Variants in ASIC2 observed in about 807,000 individuals in gnomAD.
ASIC2 encodes acid sensing ion channel subunit 2, also known as acid-sensing ion channel 2.
Under a neutral mutation model 57.3 loss-of-function variants are expected in ASIC2, and 25 were observed. The observed-to-expected ratio is 0.44, with a 90% CI of 0.32 to 0.61. ASIC2 has a LOEUF of 0.61. Among genes scored for constraint, ASIC2 ranks in the 20% least tolerant of loss-of-function variants. The pLI, the probability that ASIC2 is intolerant of heterozygous loss-of-function variation, is 0.06. For synonymous variants in ASIC2, 319 were observed against 307.5 expected, an observed-to-expected ratio of 1.04 and a Z score of -0.39; for missense variants, 641 against 738.1, an observed-to-expected ratio of 0.87 and a Z score of 1.52.
chr17:33,296,839 A>G (rs1421061875), upstream of ASIC2, among the ~76,000 whole-genome samples: 2 of 152,206 alleles, frequency 1.3e-5, no homozygotes, highest in Admixed American at 1.3e-4. Flanking sequence ...GTTCCTGTTT[A>G]CCTGCTACTC....
chr17:33,253,365 A>C (rs910099660), intron 1 of ASIC2, among the ~76,000 whole-genome samples: 2 of 152,126 alleles, frequency 1.3e-5, no homozygotes, highest in Admixed American at 6.5e-5. Context: ...TCATGTGTGC[A>C]TGCACGTATA....
At chr17:33,920,583 G>C (rs1915688178) in intron 1 of ASIC2, among the ~76,000 whole-genome samples, 1 of 152,038 alleles carries the variant, frequency 6.6e-6, no homozygotes, top group Non-Finnish European at 1.5e-5. Flanking sequence ...GGGGACAAAG[G>C]GTGAAAAATG....
rs746102274 is a variant in ASIC2, at chr17:33,164,568, ACATG to A, written c.709-52505_709-52502del. On this transcript the variant is annotated intron_variant, in intron 1 of 9. Transcript: ENST00000225823. Reference sequence around the variant, plus strand: ...CTCTGGAAACAGCTGTCCCAAAAGCACATGCACGCACACACACACACACACACAC... The same window carrying A: ...CTCTGGAAACAGCTGTCCCAAAAGCACACGCACACACACACACACACACAC... Among the ~76,000 whole-genome samples, 512 of 103,232 alleles carry A rather than the reference ACATG, an allele frequency of 5.0e-3. 3 individuals are homozygous for A. Among genetic ancestry groups the A allele is most frequent in the East Asian group, 5.8e-3 (24 of 4,118 alleles). 67.7% of individuals were successfully genotyped at this position (103,232 alleles called of 152,430 possible).
At chr17:33,573,471 T>C (rs374579399) in intron 1 of ASIC2, among the ~76,000 whole-genome samples, 1 of 152,228 alleles carries the variant, frequency 6.6e-6, no homozygotes, top group African/African-American at 2.4e-5. Flanking sequence ...GCAACGAATA[T>C]TCCCAAGCTA....
intron 1 of ASIC2, among the ~76,000 whole-genome samples, chr17:33,428,771 C>A (rs1416882292): frequency 6.6e-6 from 1 of 152,148 alleles, no homozygotes; most frequent in Non-Finnish European, 1.5e-5. Flanking sequence ...ACCTTCCTCC[C>A]ACCCACCATT....
intron 3 of ASIC2, among the ~76,000 whole-genome samples, chr17:33,059,536 C>A (rs1233242450): frequency 6.6e-6 from 1 of 152,208 alleles, no homozygotes; most frequent in African/African-American, 2.4e-5. Context: ...ATATATGCCA[C>A]ATTTTCTTAA....
intron 1 of ASIC2, among the ~76,000 whole-genome samples, chr17:33,824,099 C>A (rs1004954474): frequency 2.0e-5 from 3 of 152,094 alleles, no homozygotes; most frequent in African/African-American, 7.2e-5. Flanking sequence ...CCCACAGGAA[C>A]CATTCTTATA....
At chr17:33,425,753 T>C (rs927852966) in intron 1 of ASIC2, among the ~76,000 whole-genome samples, 1 of 152,148 alleles carries the variant, frequency 6.6e-6, no homozygotes. Context: ...TGTCCTTGCG[T>C]GGCTATTAGG....
At chr17:34,148,801 T>G (rs1904390836) in intron 1 of ASIC2, among the ~76,000 whole-genome samples, 1 of 152,152 alleles carries the variant, frequency 6.6e-6, no homozygotes, top group Admixed American at 6.5e-5. Flanking sequence ...TCAATAAATT[T>G]CCATCAAAGG....
chr17:33,462,546 T>G (rs1429595470), intron 1 of ASIC2, among the ~76,000 whole-genome samples: 1 of 152,198 alleles, frequency 6.6e-6, no homozygotes, highest in Non-Finnish European at 1.5e-5. Context: ...GCCCTAGACC[T>G]TCCACCCATG....
intron 1 of ASIC2, among the ~76,000 whole-genome samples, chr17:33,348,019 T>C (rs1427929660): frequency 1.3e-5 from 2 of 152,158 alleles, no homozygotes; most frequent in Non-Finnish European, 2.9e-5. Context: ...GAAGAATCGC[T>C]TGAACCCAGG....
At chr17:33,096,859 AG>A (rs2092182015) in intron 2 of ASIC2, among the ~76,000 whole-genome samples, 1 of 152,220 alleles carries the variant, frequency 6.6e-6, no homozygotes, top group South Asian at 2.1e-4. Flanking sequence ...GCTCTGGGAC[AG>A]GTGCACACTG....
intron 1 of ASIC2, among the ~76,000 whole-genome samples, chr17:34,117,935 T>G (rs567811107): frequency 6.6e-6 from 1 of 152,194 alleles, no homozygotes; most frequent in African/African-American, 2.4e-5. Flanking sequence ...GTCCTCAGAA[T>G]GAAAATCAGC....
chr17:33,343,783 C>T (rs909202495), intron 1 of ASIC2, among the ~76,000 whole-genome samples: 4 of 152,188 alleles, frequency 2.6e-5, no homozygotes, highest in Non-Finnish European at 5.9e-5. Flanking sequence ...ACTCTGGCTC[C>T]TCTCATTATC....
chr17:34,013,956 C>A (rs530738196), intron 1 of ASIC2, among the ~76,000 whole-genome samples: 163 of 152,254 alleles, frequency 1.1e-3, no homozygotes, highest in African/African-American at 3.5e-3. Flanking sequence ...AGGTTCAAAG[C>A]AGGGAGTCTG....
chr17:33,718,781 G>A (rs919604679), intron 1 of ASIC2, among the ~76,000 whole-genome samples: 13 of 152,198 alleles, frequency 8.5e-5, no homozygotes, highest in African/African-American at 2.9e-4. Flanking sequence ...CGACACTCAG[G>A]GCTCAGTTCC....
At chr17:33,880,805 A>C (rs1274527660) in intron 1 of ASIC2, among the ~76,000 whole-genome samples, 1 of 152,106 alleles carries the variant, frequency 6.6e-6, no homozygotes, top group Non-Finnish European at 1.5e-5. Context: ...GAGATACAAC[A>C]AAAAAAGAGA....
intron 1 of ASIC2, among the ~76,000 whole-genome samples, chr17:33,644,267 C>T (rs140483800): frequency 6.6e-6 from 1 of 152,244 alleles, no homozygotes; most frequent in Non-Finnish European, 1.5e-5. Flanking sequence ...TGCGTTTTTC[C>T]TGCTTTGTGT....
intron 1 of ASIC2, among the ~76,000 whole-genome samples, chr17:33,203,756 G>A (rs1906963750): frequency 6.6e-6 from 1 of 152,220 alleles, no homozygotes; most frequent in Non-Finnish European, 1.5e-5. Flanking sequence ...TATAGGGTGA[G>A]CACACTGGAG....
Sources: gnomAD v4.1 joint callset for allele counts (sites outside exome capture counted in the v4.1 genomes callset) on GRCh38, gnomAD v4.1.1 for gene constraint, MANE v1.5 for transcripts, NCBI Gene and HGNC (gene_info 2026-07-23, HGNC 2026-07-21) for gene names.